Variants in FBXL17 observed in about 807,000 individuals in gnomAD.
FBXL17 encodes F-box/LRR-repeat protein 17.
A neutral mutation model predicts 66.2 loss-of-function variants in FBXL17; 22 were observed. The ratio of observed to expected loss-of-function variants is 0.33; its 90% CI spans 0.24 to 0.47. The LOEUF is 0.47. Ranked by LOEUF, FBXL17 falls within the 20% of genes least tolerant of loss-of-function variation. The pLI is 1.00. For missense variants in FBXL17, 878 were observed against 948.2 expected, an observed-to-expected ratio of 0.93 and a Z score of 0.97; for synonymous variants, 474 against 400.5, an observed-to-expected ratio of 1.18 and a Z score of -2.19.
At chr5:107,955,194 T>TA (rs1308740292) in intron 7 of FBXL17, among the ~76,000 whole-genome samples, 1 of 152,072 alleles carries the variant, frequency 6.6e-6, no homozygotes, top group Non-Finnish European at 1.5e-5. Context: ...TTTTTATAAA[T>TA]AAATTAACAT....
At chr5:108,018,580 G>C (rs7704251) in intron 7 of FBXL17, among the ~76,000 whole-genome samples, 21,161 of 151,992 alleles carry the variant, frequency 0.14, 1,575 homozygotes, top group East Asian at 0.17. Context: ...TCAATTGTGC[G>C]CCAACATTTT....
intron 3 of FBXL17, among the ~76,000 whole-genome samples, chr5:108,349,081 C>T (rs1479820785): frequency 1.3e-5 from 2 of 152,164 alleles, no homozygotes; most frequent in Non-Finnish European, 2.9e-5. Context: ...CCTGGGATTA[C>T]AGGTGTGAGC....
At chr5:108,060,263 G>A (rs924485275) in intron 6 of FBXL17, among the ~76,000 whole-genome samples, 65 of 151,970 alleles carry the variant, frequency 4.3e-4, no homozygotes, top group Middle Eastern at 3.4e-3. Context: ...CAGCTAAATG[G>A]AGAAGAAAGT....
chr5:107,927,490 C>T (rs1428224320), intron 7 of FBXL17, among the ~76,000 whole-genome samples: 1 of 152,070 alleles, frequency 6.6e-6, no homozygotes, highest in Non-Finnish European at 1.5e-5. Context: ...TAGGAACAAT[C>T]ACTTTCTTTT....
At chr5:108,231,179 T>G (rs980653250) in intron 4 of FBXL17, among the ~76,000 whole-genome samples, 1 of 152,326 alleles carries the variant, frequency 6.6e-6, no homozygotes, top group Non-Finnish European at 1.5e-5. Context: ...GTACAACTTA[T>G]ATGCCATAAA....
chr5:108,115,437 C>T (rs563992377), intron 6 of FBXL17, among the ~76,000 whole-genome samples: 1 of 151,746 alleles, frequency 6.6e-6, no homozygotes, highest in Non-Finnish European at 1.5e-5. Flanking sequence ...TAGAACGGAC[C>T]TTATTTTTTA....
chr5:108,013,387 T>C (rs2112745184), intron 7 of FBXL17, among the ~76,000 whole-genome samples: 1 of 152,296 alleles, frequency 6.6e-6, no homozygotes, highest in South Asian at 2.1e-4. Context: ...TTCTATTCTT[T>C]CTTCAGAATA....
At chr5:108,198,131 C>G (rs890918410) in intron 5 of FBXL17, among the ~76,000 whole-genome samples, 1 of 152,152 alleles carries the variant, frequency 6.6e-6, no homozygotes, top group South Asian at 2.1e-4. Context: ...CCCCCGTCAA[C>G]AGGTCCCTAT....
intron 7 of FBXL17, among the ~76,000 whole-genome samples, chr5:107,919,450 T>C (rs1373758511): frequency 6.6e-6 from 1 of 152,206 alleles, no homozygotes; most frequent in Non-Finnish European, 1.5e-5. Flanking sequence ...TCTTAAAGTG[T>C]ATCAGCTCAG....
chr5:108,104,155 C>T (rs1456545794), intron 6 of FBXL17, among the ~76,000 whole-genome samples: 1 of 152,118 alleles, frequency 6.6e-6, no homozygotes, highest in East Asian at 1.9e-4. Context: ...CCTGCCTCAG[C>T]CTCCCGAGTA....
At chr5:107,892,679 GA>G (rs963994743) in intron 7 of FBXL17, among the ~76,000 whole-genome samples, 9 of 151,552 alleles carry the variant, frequency 5.9e-5, no homozygotes, top group African/African-American at 1.9e-4. Flanking sequence ...AAATTATGTG[GA>G]AAAAAAAGCA....
chr5:107,938,923 T>C (rs913301524), intron 7 of FBXL17, among the ~76,000 whole-genome samples: 1 of 152,182 alleles, frequency 6.6e-6, no homozygotes, highest in African/African-American at 2.4e-5. Flanking sequence ...ATTCATAATA[T>C]TGTATTTCTA....
chr5:107,959,260 T>A (rs1468972969), intron 7 of FBXL17, among the ~76,000 whole-genome samples: 1 of 152,096 alleles, frequency 6.6e-6, no homozygotes, highest in Admixed American at 6.5e-5. Context: ...GCACTTTGTG[T>A]ACAGAGGGGT....
At chr5:108,183,388 T>C (rs1361699134) in intron 6 of FBXL17, among the ~76,000 whole-genome samples, 1 of 152,178 alleles carries the variant, frequency 6.6e-6, no homozygotes, top group East Asian at 1.9e-4. Flanking sequence ...TACTGTAATA[T>C]ATTAAACTAA....
In FBXL17 at chr5:108,191,254, T is replaced by C. The variant is rs538747516; in HGVS notation, c.1615-5007A>G. On this transcript the variant is annotated intron_variant, in intron 5 of 8. Coordinates refer to ENST00000542267, the MANE Select transcript of FBXL17 (RefSeq NM_001163315.3). ...ATAAATATCTCCTACACATGCATAT[T>C]TGGGGTTCTAGCACAGCTTCTGACA... Among the ~76,000 whole-genome samples the C allele has an allele frequency of 6.6e-5, 10 of 152,298 alleles. 1 individual carries two copies. The South Asian group carries it at 2.1e-3, about 32-fold the overall frequency.
Position 108,381,698 on chromosome 5 carries a change from G to A in FBXL17, c.-7C>T. 1 of 1,454,278 alleles carries A rather than the reference G, an allele frequency of 6.9e-7. No individual in the cohort carries two copies. Among genetic ancestry groups the A allele is most frequent in the Middle Eastern group, 1.9e-4 (1 of 5,138 alleles). The allele number at this position is 1,454,278 out of a possible 1,614,324, so 90.1% of individuals were successfully genotyped here. A position where few individuals can be genotyped will look rare whatever the true frequency, so the allele number is the denominator to read the frequency against. On this transcript the variant is annotated 5_prime_UTR_variant, in exon 1 of 9. Transcript: ENST00000542267. ...TCGAGAGAAGGTGGCCCATATAGAA[G>A]GCCCCGAGGAGGGGGACCGGGACGG...
At chr5:108,318,048 A>C (rs773740091) in intron 4 of FBXL17, among the ~76,000 whole-genome samples, 1 of 151,666 alleles carries the variant, frequency 6.6e-6, no homozygotes, top group African/African-American at 2.4e-5. Flanking sequence ...TATTTAATGT[A>C]AAATAATACG....
chr5:107,962,049 T>C (rs574558303), intron 7 of FBXL17, among the ~76,000 whole-genome samples: 2 of 152,276 alleles, frequency 1.3e-5, no homozygotes, highest in African/African-American at 4.8e-5. Context: ...CTGTTAAATA[T>C]ACTTCTATTG....
chr5:108,074,880 A>G (rs1470999350), intron 6 of FBXL17, among the ~76,000 whole-genome samples: 1 of 152,148 alleles, frequency 6.6e-6, no homozygotes, highest in African/African-American at 2.4e-5. Flanking sequence ...GTTTACAGTA[A>G]ATGGTTATTA....
Sources: gnomAD v4.1 joint callset for allele counts (sites outside exome capture counted in the v4.1 genomes callset) on GRCh38, gnomAD v4.1.1 for gene constraint, MANE v1.5 for transcripts, NCBI Gene and HGNC (gene_info 2026-07-23, HGNC 2026-07-21) for gene names.